The following MALRD1 variants were observed in gnomAD, a reference collection of about 807,000 sequenced individuals.
MALRD1 encodes MAM and LDL-receptor class A domain-containing protein 1.
In MALRD1, 247 loss-of-function variants were observed where a neutral mutation model predicts 242.1. The observed-to-expected ratio is 1.02, with a 90% CI of 0.92 to 1.13. The LOEUF (loss-of-function observed/expected upper bound fraction) is 1.13, where lower values mean the gene tolerates loss of function less well. Ranked by LOEUF, MALRD1 falls within the 50% of genes most tolerant of loss-of-function variation. The pLI is 0.00. For missense variants in MALRD1, 2,989 were observed against 2,533.1 expected (o/e 1.18, Z -3.86); for synonymous variants, 995 against 866.6 (o/e 1.15, Z -2.60).
chr10:19,252,262 T>C (rs1166613733), intron 18 of MALRD1, among the ~76,000 whole-genome samples: 1 of 151,958 alleles, frequency 6.6e-6, no homozygotes, highest in Non-Finnish European at 1.5e-5. Context: ...CCAATCTGAC[T>C]CAAGAGCACT....
chr10:19,335,909 C>T (rs751082320), intron 24 of MALRD1, among the ~76,000 whole-genome samples: 75 of 152,116 alleles, frequency 4.9e-4, no homozygotes, highest in Admixed American at 1.9e-3. Context: ...CACCCATCAA[C>T]CCGTCATCTA....
chr10:19,730,900 A>T, intron 39 of MALRD1, 119 bp downstream of exon 39: 4 of 923,786 alleles, frequency 4.3e-6, no homozygotes, highest in Non-Finnish European at 6.4e-6. Context: ...ACTAAAAGAA[A>T]TGTTTTAGTG....
At chr10:19,475,861 T>C (rs1300057113) in intron 29 of MALRD1, among the ~76,000 whole-genome samples, 1 of 152,184 alleles carries the variant, frequency 6.6e-6, no homozygotes, top group Non-Finnish European at 1.5e-5. Context: ...TTATTCTTCA[T>C]TAAAGCACAT....
chr10:19,440,720 C>T (rs1834596037), intron 28 of MALRD1, among the ~76,000 whole-genome samples: 1 of 152,138 alleles, frequency 6.6e-6, no homozygotes, highest in Non-Finnish European at 1.5e-5. Context: ...ATATGTGCCA[C>T]ATTTTCTTAA....
chr10:19,433,675 G>C (rs905261126), intron 28 of MALRD1, among the ~76,000 whole-genome samples: 2 of 152,018 alleles, frequency 1.3e-5, no homozygotes, highest in Non-Finnish European at 2.9e-5. Context: ...CATGAGCATA[G>C]CAGAAAATGA....
chr10:19,329,411 GA>G (rs1843267474), intron 23 of MALRD1, among the ~76,000 whole-genome samples: 1 of 60,368 alleles, frequency 1.7e-5, no homozygotes, highest in Non-Finnish European at 3.4e-5. Context: ...TTTTATTTGG[GA>G]CCCCCCCCCA....
chr10:19,712,666 A>G (rs572696922), intron 38 of MALRD1, among the ~76,000 whole-genome samples: 25 of 152,366 alleles, frequency 1.6e-4, no homozygotes, highest in African/African-American at 6.0e-4. Flanking sequence ...CAAAGAACCC[A>G]ATAAAAAATT....
chr10:19,143,494 C>T (rs1833619690), intron 10 of MALRD1, among the ~76,000 whole-genome samples: 1 of 152,054 alleles, frequency 6.6e-6, no homozygotes, highest in Non-Finnish European at 1.5e-5. Flanking sequence ...CCTAACAGTG[C>T]AATATTGAGT....
At chr10:19,641,614 C>T (rs1054979189) in intron 36 of MALRD1, among the ~76,000 whole-genome samples, 3 of 152,022 alleles carry the variant, frequency 2.0e-5, no homozygotes, top group Non-Finnish European at 4.4e-5. Context: ...AAAAACAGGA[C>T]CTTCAGAAAC....
intron 32 of MALRD1, among the ~76,000 whole-genome samples, chr10:19,549,648 G>A (rs1835396060): frequency 6.6e-6 from 1 of 152,176 alleles, no homozygotes; most frequent in African/African-American, 2.4e-5. Flanking sequence ...GTAAACATGA[G>A]TTTTATATGC....
At chr10:19,137,923 T>A (rs1833406735) in intron 10 of MALRD1, among the ~76,000 whole-genome samples, 1 of 152,198 alleles carries the variant, frequency 6.6e-6, no homozygotes, top group African/African-American at 2.4e-5. Flanking sequence ...ATATTAAAAA[T>A]TTGACGTTTA....
At chr10:19,202,260 T>C (rs1161674927) in intron 14 of MALRD1, among the ~76,000 whole-genome samples, 1 of 152,164 alleles carries the variant, frequency 6.6e-6, no homozygotes, top group Non-Finnish European at 1.5e-5. Context: ...ATAGATGTAT[T>C]TATACATTCC....
chr10:19,306,265 A>G (rs981337286), intron 21 of MALRD1, among the ~76,000 whole-genome samples: 7 of 136,824 alleles, frequency 5.1e-5, no homozygotes, highest in African/African-American at 1.3e-4. Context: ...AGTATAGTAT[A>G]TATACTATAT....
chr10:19,695,050 C>T (rs1398028956), intron 38 of MALRD1, among the ~76,000 whole-genome samples: 1 of 152,038 alleles, frequency 6.6e-6, no homozygotes, highest in Non-Finnish European at 1.5e-5. Context: ...GGAAGGGTGA[C>T]ATCACACACC....
chr10:19,140,706 G>T (rs936543373), intron 10 of MALRD1, among the ~76,000 whole-genome samples: 3 of 152,128 alleles, frequency 2.0e-5, no homozygotes, highest in African/African-American at 7.2e-5. Context: ...GATAAATACA[G>T]CACGATCTCA....
intron 39 of MALRD1, among the ~76,000 whole-genome samples, chr10:19,731,468 A>G (rs889766100): frequency 6.6e-6 from 1 of 151,656 alleles, no homozygotes; most frequent in African/African-American, 2.4e-5. Context: ...TATTTAAAAT[A>G]TCTATCACCT....
chr10:19,471,814 G>GAT (rs200185325), intron 29 of MALRD1, among the ~76,000 whole-genome samples: 8 of 151,388 alleles, frequency 5.3e-5, no homozygotes, highest in Non-Finnish European at 8.9e-5. Flanking sequence ...TTCTAACAGG[G>GAT]TTTTCTTTGT....
intron 33 of MALRD1, among the ~76,000 whole-genome samples, chr10:19,588,004 T>C (rs1314468263): frequency 1.3e-5 from 2 of 151,864 alleles, no homozygotes; most frequent in African/African-American, 4.8e-5. Flanking sequence ...TATATATACA[T>C]GTATATACAA....
chr10:19,564,976 A>T (rs1176524401), intron 32 of MALRD1, among the ~76,000 whole-genome samples: 2 of 152,172 alleles, frequency 1.3e-5, no homozygotes. Flanking sequence ...CATTGGCCAC[A>T]GTGGCTATGA....
Sources: allele counts gnomAD v4.1 joint callset (sites outside exome capture counted in the v4.1 genomes callset), GRCh38; gene constraint gnomAD v4.1.1; transcripts MANE v1.5; gene names NCBI Gene and HGNC (gene_info 2026-07-23, HGNC 2026-07-21).